Variants in DOCK2 observed in about 807,000 individuals in gnomAD.
DOCK2 encodes dedicator of cytokinesis 2, also known as dedicator of cytokinesis protein 2.
DOCK2 carries 87 observed loss-of-function variants against 248.9 expected under a neutral mutation model. That is an observed-to-expected ratio of 0.35 (90% CI 0.29 to 0.42). DOCK2 has a LOEUF of 0.42. Among genes scored for constraint, DOCK2 ranks in the 10% least tolerant of loss-of-function variants. The probability of loss-of-function intolerance (pLI) is 1.00; values close to 1 mark genes in which losing one functional copy is unlikely to be tolerated. For synonymous variants in DOCK2, 805 were observed against 821.6 expected (o/e 0.98, Z 0.35); for missense variants, 1,747 against 2,300.2 (o/e 0.76, Z 4.92).
chr5:169,655,051 T>C (rs113637941), intron 2 of DOCK2, among the ~76,000 whole-genome samples: 2,361 of 152,336 alleles, frequency 0.015, 35 homozygotes, highest in Non-Finnish European at 0.023. Context: ...GGTGGTGTGC[T>C]TGTAGGGAGT....
intron 34 of DOCK2, among the ~76,000 whole-genome samples, chr5:170,030,732 G>A (rs577263904): frequency 6.6e-6 from 1 of 152,292 alleles, no homozygotes; most frequent in African/African-American, 2.4e-5. Flanking sequence ...ATAGCATTGC[G>A]GGTTTTTGAA....
chr5:170,046,585 C>G (rs1267029938), intron 39 of DOCK2, among the ~76,000 whole-genome samples: 1 of 152,152 alleles, frequency 6.6e-6, no homozygotes, highest in Non-Finnish European at 1.5e-5. Context: ...GGATTGATAG[C>G]TTTTGGTGGG....
At chr5:169,977,246 G>A (rs916640781) in intron 27 of DOCK2, among the ~76,000 whole-genome samples, 3 of 152,174 alleles carry the variant, frequency 2.0e-5, no homozygotes, top group Non-Finnish European at 4.4e-5. Context: ...TTAACCAAAA[G>A]CATGTTCAGC....
At chr5:169,888,030 A>T (rs956008694) in intron 27 of DOCK2, among the ~76,000 whole-genome samples, 7 of 152,194 alleles carry the variant, frequency 4.6e-5, no homozygotes, top group Non-Finnish European at 5.9e-5. Flanking sequence ...AACGTTTGAT[A>T]CAAATAAAGG....
At chr5:169,929,809 C>A (rs183756120) in intron 27 of DOCK2, among the ~76,000 whole-genome samples, 1 of 151,382 alleles carries the variant, frequency 6.6e-6, no homozygotes, top group East Asian at 1.9e-4. Flanking sequence ...AAAGCTTGAC[C>A]TAGCACTTTC....
At chr5:170,002,464 T>A (rs576515835) in intron 30 of DOCK2, among the ~76,000 whole-genome samples, 1 of 152,216 alleles carries the variant, frequency 6.6e-6, no homozygotes, top group Non-Finnish European at 1.5e-5. Flanking sequence ...CATAAAAAAA[T>A]TCTGAAAGGC....
intron 27 of DOCK2, among the ~76,000 whole-genome samples, chr5:169,926,001 C>T (rs1171847085): frequency 1.2e-4 from 18 of 152,106 alleles, no homozygotes; most frequent in Admixed American, 1.2e-3. Flanking sequence ...CGCAACACAC[C>T]CCTCATTCCA....
At chr5:169,708,815 T>C (rs1761423997) in intron 15 of DOCK2, among the ~76,000 whole-genome samples, 1 of 152,206 alleles carries the variant, frequency 6.6e-6, no homozygotes, top group South Asian at 2.1e-4. Flanking sequence ...TCTGCCCACC[T>C]TGGCCTCCCA....
chr5:169,955,442 A>G (rs1268091532), intron 27 of DOCK2, among the ~76,000 whole-genome samples: 1 of 152,148 alleles, frequency 6.6e-6, no homozygotes, highest in Non-Finnish European at 1.5e-5. Flanking sequence ...GCGCCCCTGG[A>G]CAGTACGTGC....
chr5:169,676,575 T>C (rs935388121), intron 6 of DOCK2, among the ~76,000 whole-genome samples: 2 of 152,124 alleles, frequency 1.3e-5, no homozygotes, highest in Non-Finnish European at 2.9e-5. Context: ...GGGCAACTTA[T>C]CACTGGCCTG....
chr5:170,039,018 G>A (rs954693923), intron 36 of DOCK2, among the ~76,000 whole-genome samples: 5 of 152,226 alleles, frequency 3.3e-5, no homozygotes, highest in East Asian at 3.9e-4. Flanking sequence ...TTGGCAGAAC[G>A]TTAGGCGGGA....
chr5:169,960,145 C>T (rs1329018121), intron 27 of DOCK2, among the ~76,000 whole-genome samples: 1 of 152,174 alleles, frequency 6.6e-6, no homozygotes. Flanking sequence ...TACCCTGCCT[C>T]TCTGAGTTCT....
rs74579539 is a variant in DOCK2 at position 170,009,938 on chromosome 5, C to T, written c.3232+1192C>T. Among the ~76,000 whole-genome samples, 27 of 152,308 alleles carry T rather than the reference C, an allele frequency of 1.8e-4. No homozygotes were observed. The East Asian group carries it at 5.2e-3, about 29-fold the overall frequency. ...CAGAGCCAAGGACCCAAGCCCAGAA[C>T]AGACTGCCACTTCTTTGCTTTGGGC... On this transcript the variant is annotated intron_variant, in intron 32 of 51. Transcript: ENST00000520908.
chr5:169,951,919 A>G (rs1434203715), intron 27 of DOCK2, among the ~76,000 whole-genome samples: 2 of 152,330 alleles, frequency 1.3e-5, no homozygotes, highest in Admixed American at 1.3e-4. Flanking sequence ...CACAAACTTC[A>G]CTACCTTGAC....
intron 42 of DOCK2, 44 bp from the exon 43 acceptor site, chr5:170,056,640 C>A (rs1379991852): frequency 2.9e-5 from 45 of 1,569,430 alleles, no homozygotes; most frequent in Non-Finnish European, 3.9e-5. Flanking sequence ...GTGTCAGCAG[C>A]CGGGGATGGC....
At chr5:169,900,696 C>T (rs150301084) in intron 27 of DOCK2, among the ~76,000 whole-genome samples, 113 of 152,106 alleles carry the variant, frequency 7.4e-4, no homozygotes, top group African/African-American at 2.6e-3. Flanking sequence ...ATAAAATAAG[C>T]TAATTATGAC....
chr5:169,716,096 A>T, intron 19 of DOCK2, 117 bp from the exon 20 acceptor site: 4 of 916,932 alleles, frequency 4.4e-6, no homozygotes, highest in Non-Finnish European at 6.7e-6. Flanking sequence ...CGTTTTGAGC[A>T]TGACATGTGG....
chr5:170,050,397 T>C lies in DOCK2; in HGVS notation c.4213T>C (p.Tyr1405His), dbSNP rs772071004. ...TGATGTGAAGAATGCCCCAGGCCAGTGTATCCTTGGAGAATGCCCTAGCCA... is the reference window on the plus strand; with the variant it reads ...TGATGTGAAGAATGCCCCAGGCCAGCGTATCCTTGGAGAATGCCCTAGCCA... ...GDDVKNAPGQ[Y>H]IQCFTVQPVL... The change falls in exon 41 of 52, where the codon TAT becomes CAT. Residue 1405 changes from tyrosine (Y) to histidine (H), a missense_variant and splice_region_variant. Around this residue, in one of 4 missense-constraint regions of DOCK2, gnomAD observed 513 missense variants for 586.1 expected, o/e 0.88. Coordinates refer to ENST00000520908, the MANE Select transcript of DOCK2 (RefSeq NM_004946.3). 5.0e-5 allele frequency: 80 copies of C among 1,613,480 alleles called. No homozygotes were observed. Among genetic ancestry groups the C allele is most frequent in the Non-Finnish European group, 6.0e-5 (71 of 1,179,710 alleles).
intron 17 of DOCK2, among the ~76,000 whole-genome samples, chr5:169,712,891 A>T (rs1336548798): frequency 2.0e-5 from 3 of 152,216 alleles, no homozygotes; most frequent in African/African-American, 7.2e-5. Flanking sequence ...ATGTCCTCTT[A>T]TGACAACAGA....
Sources: allele counts gnomAD v4.1 joint callset (sites outside exome capture counted in the v4.1 genomes callset), GRCh38; gene constraint gnomAD v4.1.1; regional missense constraint gnomAD v4.1.1; transcripts MANE v1.5; gene names NCBI Gene and HGNC (gene_info 2026-07-23, HGNC 2026-07-21).